ZCCHC14: variants seen among roughly 807,000 people sequenced by gnomAD.
ZCCHC14 encodes zinc finger CCHC domain-containing protein 14.
A neutral mutation model predicts 85.0 loss-of-function variants in ZCCHC14; 16 were observed. The observed-to-expected ratio is 0.19, with a 90% CI of 0.13 to 0.29. ZCCHC14 has a LOEUF of 0.29. Ranked by LOEUF, ZCCHC14 falls within the 10% of genes least tolerant of loss-of-function variation. The probability of loss-of-function intolerance (pLI) is 1.00; values close to 1 mark genes in which losing one functional copy is unlikely to be tolerated. For synonymous variants in ZCCHC14, 775 were observed against 630.7 expected, an observed-to-expected ratio of 1.23 and a Z score of -3.43; for missense variants, 1,303 against 1,443.5, an observed-to-expected ratio of 0.90 and a Z score of 1.58.
At chr16:87,434,739 C>T (rs1024928324) in intron 2 of ZCCHC14, among the ~76,000 whole-genome samples, 8 of 152,184 alleles carry the variant, frequency 5.3e-5, no homozygotes, top group Admixed American at 3.9e-4. Flanking sequence ...CGCCTGGTAT[C>T]CCAGCACTTT....
At chr16:87,445,256 G>A (rs1306444649) in intron 2 of ZCCHC14, among the ~76,000 whole-genome samples, 2 of 151,936 alleles carry the variant, frequency 1.3e-5, no homozygotes, top group Non-Finnish European at 2.9e-5. Context: ...TAGTAGAAAC[G>A]GGGTTTCACC....
chr16:87,455,825 A>C (rs1910929794), intron 2 of ZCCHC14, among the ~76,000 whole-genome samples: 1 of 152,234 alleles, frequency 6.6e-6, no homozygotes, highest in Non-Finnish European at 1.5e-5. Flanking sequence ...GTACAGACTC[A>C]ATAGATTACA....
At chr16:87,472,667 AGAC>A (rs1358239997) in intron 1 of ZCCHC14, 9 of 152,454 alleles carry the variant, frequency 5.9e-5, no homozygotes, top group African/African-American at 1.9e-4. Context: ...CAATCTCTGA[AGAC>A]GACACCATCA....
At chr16:87,490,851 T>A (rs979882938) in intron 1 of ZCCHC14, among the ~76,000 whole-genome samples, 4 of 152,106 alleles carry the variant, frequency 2.6e-5, no homozygotes, top group African/African-American at 9.7e-5. Flanking sequence ...CACGCGTACA[T>A]CATACAGCAT....
At chr16:87,455,259 G>C (rs972093007) in intron 2 of ZCCHC14, among the ~76,000 whole-genome samples, 1 of 152,230 alleles carries the variant, frequency 6.6e-6, no homozygotes, top group East Asian at 1.9e-4. Context: ...TTGTGTTCCA[G>C]CCTGGGCAAC....
intron 2 of ZCCHC14, among the ~76,000 whole-genome samples, chr16:87,456,996 T>C (rs1911000654): frequency 6.6e-6 from 1 of 152,242 alleles, no homozygotes; most frequent in Admixed American, 6.5e-5. Context: ...GCAGTTTCCA[T>C]CTCAGCTTGT....
intron 1 of ZCCHC14, among the ~76,000 whole-genome samples, chr16:87,477,326 G>C (rs1342871371): frequency 6.6e-6 from 1 of 152,166 alleles, no homozygotes; most frequent in South Asian, 2.1e-4. Flanking sequence ...ATAAAAACGA[G>C]CCGCTGGGGC....
At chr16:87,486,807 G>A (rs1442881401) in intron 1 of ZCCHC14, among the ~76,000 whole-genome samples, 11 of 152,128 alleles carry the variant, frequency 7.2e-5, no homozygotes, top group African/African-American at 1.9e-4. Flanking sequence ...TAGACCAGGC[G>A]GTTCCCAGCT....
At chr16:87,470,188 C>G (rs1911714816) in intron 1 of ZCCHC14, among the ~76,000 whole-genome samples, 1 of 151,932 alleles carries the variant, frequency 6.6e-6, no homozygotes, top group African/African-American at 2.4e-5. Context: ...AGAAATTACC[C>G]GAGTGTGGTG....
intron 1 of ZCCHC14, among the ~76,000 whole-genome samples, chr16:87,477,423 G>C (rs1912071832): frequency 6.6e-6 from 1 of 152,202 alleles, no homozygotes; most frequent in East Asian, 1.9e-4. Context: ...GGCATCAGCA[G>C]AGCTGGCAGA....
At position 87,411,518 on chromosome 16, in the gene ZCCHC14, G is replaced by C. The variant is rs544805805; in HGVS notation, c.3203C>G (p.Pro1068Arg). Reference protein sequence around the residue: ...CKQPSMDFNRPGTFRLKYAPP... With the variant: ...CKQPSMDFNRRGTFRLKYAPP... Reference sequence around the variant, plus strand: ...GCGCGGCCATGGCGCGCGCTTACCTGGCCGGTTGAAGTCCATGGACGGCTG... The same window carrying C: ...GCGCGGCCATGGCGCGCGCTTACCTCGCCGGTTGAAGTCCATGGACGGCTG... Residue 1068 changes from proline to arginine, a missense_variant and splice_region_variant, in exon 12 of 13, where the codon CCA becomes CGA. Pro to Arg is a moderately radical substitution (Grantham distance 103). Transcript: ENST00000671377. The C allele has an allele frequency of 1.2e-6, 2 of 1,613,414 alleles. No individual in the cohort carries two copies. Among genetic ancestry groups the C allele is most frequent in the South Asian group, 2.2e-5 (2 of 91,080 alleles).
chr16:87,435,360 G>A (rs373067049), intron 2 of ZCCHC14, among the ~76,000 whole-genome samples: 19 of 152,238 alleles, frequency 1.2e-4, no homozygotes, highest in Non-Finnish European at 2.1e-4. Flanking sequence ...CACGCTGGGC[G>A]GTGTGCTCCC....
Position 87,413,153 on chromosome 16 carries a change from C to G in ZCCHC14, c.1646G>C (p.Arg549Pro). Residue 549 changes from arginine to proline, a missense_variant, in exon 11 of 13, where the codon CGG becomes CCG. By Grantham distance (103) the Arg-to-Pro change is moderately radical (BLOSUM62 -2). Coordinates refer to ENST00000671377, the MANE Select transcript of ZCCHC14 (RefSeq NM_015144.3). Reference sequence around the variant, plus strand: ...GGAGTACTCCGAGGAACTGCCTTCCCGGGGCAGCTGGTGATGGGGCTGCTC... The same window carrying G: ...GGAGTACTCCGAGGAACTGCCTTCCGGGGGCAGCTGGTGATGGGGCTGCTC... ...EVEQPHHQLP[R>P]EGSSSEYSSS... 1 of 1,603,700 alleles carries G rather than the reference C, an allele frequency of 6.2e-7. No individual in the cohort carries two copies.
At chr16:87,478,591 A>C (rs1202830080) in intron 1 of ZCCHC14, among the ~76,000 whole-genome samples, 1 of 150,942 alleles carries the variant, frequency 6.6e-6, no homozygotes, top group East Asian at 1.9e-4. Flanking sequence ...GTGCTTTCAA[A>C]GTATCTCATT....
At chr16:87,433,751 C>T (rs1372090588) in intron 2 of ZCCHC14, among the ~76,000 whole-genome samples, 1 of 152,020 alleles carries the variant, frequency 6.6e-6, no homozygotes, top group East Asian at 1.9e-4. Context: ...AAGCGATTCT[C>T]GTGCCTCGGC....
chr16:87,412,012 G>T lies in ZCCHC14; in HGVS notation c.2709C>A (p.His903Gln). 1 of 1,609,438 alleles carries T rather than the reference G, an allele frequency of 6.2e-7. No individual in the cohort carries two copies. The highest frequency in any genetic ancestry group is 8.5e-7 in the Non-Finnish European group (1 of 1,179,832). Residue 903 changes from histidine to glutamine, a missense_variant, in exon 12 of 13, where the codon CAC (histidine) becomes CAA (glutamine). His to Gln is a conservative substitution (Grantham distance 24, BLOSUM62 0). Coordinates refer to ENST00000671377, the MANE Select transcript of ZCCHC14 (RefSeq NM_015144.3). ...GTGCCGGGGGCTGCTGATGGTGGTGGTGGTGGTGGTGGTTCGGATTCGAGG... is the reference window on the plus strand; with the variant it reads ...GTGCCGGGGGCTGCTGATGGTGGTGTTGGTGGTGGTGGTTCGGATTCGAGG... ...IPASNPNHHH[H>Q]HHHQQPPAPP...
At chr16:87,435,684 C>T (rs991116390) in intron 2 of ZCCHC14, among the ~76,000 whole-genome samples, 8 of 152,282 alleles carry the variant, frequency 5.3e-5, no homozygotes, top group Non-Finnish European at 8.8e-5. Flanking sequence ...GCGCTCCCAG[C>T]GGCACCACCT....
intron 2 of ZCCHC14, among the ~76,000 whole-genome samples, chr16:87,442,720 A>G (rs1910244868): frequency 1.3e-5 from 2 of 152,280 alleles, no homozygotes; most frequent in Admixed American, 1.3e-4. Context: ...CGTCATAAGC[A>G]CAATGCTAAA....
chr16:87,456,829 G>C (rs992846623), intron 2 of ZCCHC14, among the ~76,000 whole-genome samples: 6 of 152,074 alleles, frequency 3.9e-5, no homozygotes, highest in African/African-American at 1.2e-4. Context: ...GAGTGCAAAG[G>C]GGTCCTAAGA....
Sources: allele counts gnomAD v4.1 joint callset (sites outside exome capture counted in the v4.1 genomes callset), GRCh38; gene constraint gnomAD v4.1.1; transcripts MANE v1.5; gene names NCBI Gene and HGNC (gene_info 2026-07-23, HGNC 2026-07-21).